Variants in GMDS observed in about 807,000 individuals in gnomAD.
GMDS encodes the protein GDP-mannose 4,6-dehydratase, also known as GDP-mannose 4,6 dehydratase.
Under a neutral mutation model 49.9 loss-of-function variants are expected in GMDS, and 20 were observed. The ratio of observed to expected loss-of-function variants is 0.40; its 90% confidence interval spans 0.28 to 0.58. The LOEUF (loss-of-function observed/expected upper bound fraction) is 0.58. GMDS is among the 20% of genes least tolerant of loss of function. The pLI is 0.42. For missense variants in GMDS, 362 were observed against 481.4 expected (o/e 0.75, Z 2.32); for synonymous variants, 177 against 178.6 (o/e 0.99, Z 0.07).
chr6:1,826,369 G>C (rs1049613768), intron 7 of GMDS, among the ~76,000 whole-genome samples: 1 of 151,994 alleles, frequency 6.6e-6, no homozygotes, highest in East Asian at 1.9e-4. Flanking sequence ...AGAGGATCTT[G>C]GAATATTTCT....
intron 1 of GMDS, among the ~76,000 whole-genome samples, chr6:2,182,453 T>C (rs1031894182): frequency 6.6e-6 from 1 of 152,242 alleles, no homozygotes; most frequent in Non-Finnish European, 1.5e-5. Flanking sequence ...GGGACTTTCA[T>C]AGCTGCAGAG....
At chr6:2,101,291 A>G (rs147798389) in intron 4 of GMDS, among the ~76,000 whole-genome samples, 107 of 151,988 alleles carry the variant, frequency 7.0e-4, no homozygotes, top group African/African-American at 2.5e-3. Flanking sequence ...CATAAGTAGC[A>G]TGGTAAAAAA....
At chr6:1,841,245 C>T (rs147114298) in intron 7 of GMDS, among the ~76,000 whole-genome samples, 1 of 152,216 alleles carries the variant, frequency 6.6e-6, no homozygotes, top group Non-Finnish European at 1.5e-5. Flanking sequence ...CCTAGAATCC[C>T]TTGCTCTCAG....
At chr6:1,927,910 C>T (rs975560230) in intron 7 of GMDS, among the ~76,000 whole-genome samples, 5 of 152,194 alleles carry the variant, frequency 3.3e-5, no homozygotes, top group African/African-American at 1.2e-4. Flanking sequence ...AGAAAATAAA[C>T]ACAACCTGTA....
chr6:1,812,002 T>C lies in GMDS; in HGVS notation c.772-69416A>G, dbSNP rs73409357. 1.3e-3 allele frequency among the ~76,000 whole-genome samples: 191 copies of C among 152,344 alleles called. 1 individual carries two copies. The highest frequency in any genetic ancestry group is 4.0e-3 in the African/African-American group (168 of 41,588). ...GCTGGAAATATACAAATGATACCTT[T>C]CTACTGTCCGAGGAATCATAGTCAA... On this transcript the variant is annotated intron_variant, in intron 7 of 10. Transcript: ENST00000380815.
intron 6 of GMDS, among the ~76,000 whole-genome samples, chr6:1,942,384 T>A (rs1325431919): frequency 6.6e-6 from 1 of 152,164 alleles, no homozygotes; most frequent in Non-Finnish European, 1.5e-5. Flanking sequence ...TGGTGCTCTT[T>A]CCTACTTCAC....
chr6:1,896,565 G>A (rs771038272), intron 7 of GMDS, among the ~76,000 whole-genome samples: 18 of 152,156 alleles, frequency 1.2e-4, no homozygotes, highest in African/African-American at 3.6e-4. Flanking sequence ...AAGGGGGCTC[G>A]GTGCTGGGAG....
intron 7 of GMDS, among the ~76,000 whole-genome samples, chr6:1,845,313 T>G (rs781429376): frequency 7.9e-5 from 12 of 152,220 alleles, no homozygotes; most frequent in Non-Finnish European, 1.8e-4. Flanking sequence ...TATCCCATAT[T>G]CAACATTGTA....
chr6:2,204,682 A>G (rs1162524620), intron 1 of GMDS, among the ~76,000 whole-genome samples: 1 of 152,232 alleles, frequency 6.6e-6, no homozygotes, highest in African/African-American at 2.4e-5. Flanking sequence ...AGAACGGAGC[A>G]TTCCCATCAT....
At chr6:1,944,572 A>G (rs1762977848) in intron 6 of GMDS, among the ~76,000 whole-genome samples, 1 of 149,892 alleles carries the variant, frequency 6.7e-6, no homozygotes, top group African/African-American at 2.5e-5. Context: ...CGGGAGGCTG[A>G]GGCAGGAGAA....
intron 6 of GMDS, among the ~76,000 whole-genome samples, chr6:1,945,815 G>T (rs1165031171): frequency 6.6e-6 from 1 of 152,186 alleles, no homozygotes; most frequent in African/African-American, 2.4e-5. Context: ...ACTGTGAAGA[G>T]AATCACAGAA....
At chr6:1,742,329 C>G (rs943231379) in intron 8 of GMDS, 139 bp downstream of exon 8, 1 of 601,058 alleles carries the variant, frequency 1.7e-6, no homozygotes, top group African/African-American at 1.9e-5. Flanking sequence ...AGAGCAAAGG[C>G]CCCACTCTAC....
chr6:1,800,603 ATTTTTC>A (rs66975975), intron 7 of GMDS, among the ~76,000 whole-genome samples: 58,538 of 147,866 alleles, frequency 0.4, 11,450 homozygotes, highest in Middle Eastern at 0.44. Flanking sequence ...TGCCCAATTA[ATTTTTC>A]TTTTTCTTTT....
intron 6 of GMDS, among the ~76,000 whole-genome samples, chr6:1,939,250 T>C (rs916306288): frequency 6.6e-6 from 1 of 152,094 alleles, no homozygotes; most frequent in African/African-American, 2.4e-5. Flanking sequence ...GTTTCTTTCC[T>C]TGTGCATTTA....
chr6:1,891,186 T>C (rs17134436), intron 7 of GMDS, among the ~76,000 whole-genome samples: 3,088 of 152,278 alleles, frequency 0.02, 111 homozygotes, highest in African/African-American at 0.07. Context: ...TGGTTTCCAT[T>C]TCTACAGGTT....
intron 1 of GMDS, among the ~76,000 whole-genome samples, chr6:2,239,222 A>G (rs569635630): frequency 6.6e-6 from 1 of 151,976 alleles, no homozygotes; most frequent in East Asian, 1.9e-4. Flanking sequence ...CCAGCTACTC[A>G]GGAGGCTGAG....
chr6:1,643,182 G>A (rs116097341), intron 9 of GMDS, among the ~76,000 whole-genome samples: 110 of 152,260 alleles, frequency 7.2e-4, no homozygotes, highest in African/African-American at 2.4e-3. Context: ...GAGATGTGCC[G>A]GAATCTCCAA....
intron 4 of GMDS, among the ~76,000 whole-genome samples, chr6:2,021,797 CTG>C (rs1448068425): frequency 6.6e-6 from 1 of 152,208 alleles, no homozygotes; most frequent in Non-Finnish European, 1.5e-5. Flanking sequence ...TCCAATCGCT[CTG>C]TAAGGCGATA....
At chr6:1,985,139 G>C (rs1299505006) in intron 4 of GMDS, among the ~76,000 whole-genome samples, 1 of 152,182 alleles carries the variant, frequency 6.6e-6, no homozygotes, top group Non-Finnish European at 1.5e-5. Context: ...TCTAAAAAAA[G>C]AGGCACATGG....
Sources: allele counts gnomAD v4.1 joint callset (sites outside exome capture counted in the v4.1 genomes callset), GRCh38; gene constraint gnomAD v4.1.1; transcripts MANE v1.5; gene names NCBI Gene and HGNC (gene_info 2026-07-23, HGNC 2026-07-21).